KAT7: variants seen among roughly 807,000 people sequenced by gnomAD.
KAT7 encodes the protein lysine acetyltransferase 7, also known as histone acetyltransferase KAT7.
Under a neutral mutation model 82.1 loss-of-function variants are expected in KAT7, and 10 were observed. That is an observed-to-expected ratio of 0.12 (90% CI 0.08 to 0.21). KAT7 has a LOEUF of 0.21. Ranked by LOEUF, KAT7 falls within the 10% of genes least tolerant of loss-of-function variation. The pLI is 1.00. For synonymous variants in KAT7, 250 were observed against 262.5 expected (o/e 0.95, Z 0.46); for missense variants, 378 against 760.9 (o/e 0.50, Z 5.92).
chr17:49,789,228 C>T lies in KAT7; in HGVS notation c.15+379C>T, dbSNP rs375519052. The T allele has an allele frequency of 1.0e-3, 187 of 183,194 alleles. 3 individuals are homozygous for T. In the South Asian group the frequency reaches 0.025, roughly 25 times the overall value. The allele number at this position is 183,194 out of a possible 1,614,324, so 11.3% of individuals were successfully genotyped here. A position where few individuals can be genotyped will look rare whatever the true frequency, so the allele number is the denominator to read the frequency against. ...CACTGGCTGGAGAGAACGATCCCTC[C>T]TCTCCTGATTGGTCGAGGTTGGCAG... On this transcript the variant is annotated intron_variant, in intron 1 of 14. Coordinates refer to ENST00000259021, the MANE Select transcript of KAT7 (RefSeq NM_007067.5).
At position 49,788,692 on chromosome 17, in the gene KAT7, C is replaced by T; in HGVS notation, c.-143C>T. ...CCCGCGGCGCCTGCGCAGAACGCTC[C>T]AGACGCTGAGAGGCAGGAGGCACTA... is the stretch of plus-strand genomic sequence containing the variant. On this transcript the variant is annotated 5_prime_UTR_variant, in exon 1 of 15. Coordinates refer to ENST00000259021, the MANE Select transcript of KAT7 (RefSeq NM_007067.5). 1 of 895,260 alleles carries T rather than the reference C, an allele frequency of 1.1e-6. No homozygotes were observed. The highest frequency in any genetic ancestry group is 3.2e-5 in the East Asian group (1 of 31,060). 55.5% of individuals were successfully genotyped at this position (895,260 alleles called of 1,614,324 possible).
intron 9 of KAT7, among the ~76,000 whole-genome samples, chr17:49,820,406 G>A (rs1304569172): frequency 2.6e-5 from 4 of 151,912 alleles, no homozygotes; most frequent in African/African-American, 9.7e-5. Flanking sequence ...AGCCTCCAGA[G>A]TAGCTGGGAT....
At chr17:49,818,144 A>G (rs2074256734) in intron 9 of KAT7, 133 bp downstream of exon 9, 1 of 678,314 alleles carries the variant, frequency 1.5e-6, no homozygotes, top group Non-Finnish European at 2.5e-6. Flanking sequence ...AGGCATAGGA[A>G]ATGACAGGCC....
intron 5 of KAT7, among the ~76,000 whole-genome samples, chr17:49,807,236 A>G (rs1318286048): frequency 6.6e-6 from 1 of 152,188 alleles, no homozygotes; most frequent in African/African-American, 2.4e-5. Flanking sequence ...TATTGTGAGG[A>G]AAAAAAGACG....
intron 5 of KAT7, among the ~76,000 whole-genome samples, chr17:49,807,216 T>TA (rs2074102378): frequency 6.6e-6 from 1 of 152,122 alleles, no homozygotes; most frequent in African/African-American, 2.4e-5. Flanking sequence ...TAATTTTGTG[T>TA]AGTGATAAAT....
chr17:49,799,660 C>T (rs2073998214), intron 4 of KAT7, among the ~76,000 whole-genome samples: 1 of 151,518 alleles, frequency 6.6e-6, no homozygotes, highest in South Asian at 2.1e-4. Flanking sequence ...CAGGCATGAG[C>T]CTTTTGTTTG....
At chr17:49,817,052 G>GT (rs945680695) in intron 8 of KAT7, among the ~76,000 whole-genome samples, 42 of 150,744 alleles carry the variant, frequency 2.8e-4, no homozygotes, top group Admixed American at 2.5e-3. Flanking sequence ...TAAAGGGCCT[G>GT]TTTTTTTTTC....
rs2074162170 is a variant in KAT7, at chr17:49,811,305, C to T, written c.754-171C>T. Among the ~76,000 whole-genome samples the T allele has an allele frequency of 4.6e-5, 7 of 151,994 alleles. No homozygotes were observed. The South Asian group carries it at 1.5e-3, about 32-fold the overall frequency. On this transcript the variant is annotated intron_variant, in intron 6 of 14. Transcript: ENST00000259021. ...TATTTTTAATAGAGATGAGGATTCA[C>T]CATGTTGTCCAGGCTGGTCTTGAAC...
rs941685690 is a variant in KAT7 at position 49,803,340 on chromosome 17, T to C, written c.581-2023T>C. Among the ~76,000 whole-genome samples the C allele has an allele frequency of 2.0e-5, 3 of 147,900 alleles. 1 individual carries two copies. Among genetic ancestry groups the C allele is most frequent in the African/African-American group, 7.5e-5 (3 of 39,982 alleles). On this transcript the variant is annotated intron_variant, in intron 4 of 14. Transcript: ENST00000259021. ...TTGGCCAGGCTGACCTCAGGTGATC[T>C]ACCTGCCTCGGCCTCCCAAAGTGCT...
chr17:49,812,730 C>A (rs2074183426), intron 7 of KAT7, among the ~76,000 whole-genome samples: 1 of 151,756 alleles, frequency 6.6e-6, no homozygotes, highest in African/African-American at 2.4e-5. Context: ...TGCTCTGTCA[C>A]CAAGGCTGAA....
chr17:49,812,209 G>T (rs1471260201), intron 7 of KAT7, among the ~76,000 whole-genome samples: 1 of 146,478 alleles, frequency 6.8e-6, no homozygotes, highest in Non-Finnish European at 1.5e-5. Context: ...GTAGCACTTT[G>T]AATTCTGTGT....
intron 12 of KAT7, 177 bp downstream of exon 12, chr17:49,823,472 G>C (rs544758559): frequency 5.3e-6 from 3 of 561,990 alleles, no homozygotes; most frequent in Non-Finnish European, 9.6e-6. Context: ...AATACACATT[G>C]AACATTGAAG....
intron 1 of KAT7, 46 bp downstream of exon 1, chr17:49,788,895 A>G: frequency 3.9e-6 from 6 of 1,526,750 alleles, no homozygotes; most frequent in Non-Finnish European, 3.5e-6. Flanking sequence ...AGGACAGTCG[A>G]TTGAGCACCG....
At chr17:49,789,172 G>C in intron 1 of KAT7, 1 of 246,096 alleles carries the variant, frequency 4.1e-6, no homozygotes, top group Non-Finnish European at 7.8e-6. Context: ...GCGTGCGGGG[G>C]CGGTGTCTGG....
intron 11 of KAT7, among the ~76,000 whole-genome samples, chr17:49,822,869 T>G (rs2074323236): frequency 6.6e-6 from 1 of 152,164 alleles, no homozygotes; most frequent in Non-Finnish European, 1.5e-5. Flanking sequence ...TCTCTTCCAG[T>G]AGGCAGCTCC....
intron 10 of KAT7, 108 bp from the exon 11 acceptor site, chr17:49,821,542 A>G: frequency 2.6e-6 from 4 of 1,523,240 alleles, no homozygotes; most frequent in Non-Finnish European, 3.6e-6. Flanking sequence ...TCTCTTGCCA[A>G]AATACACAAT....
intron 1 of KAT7, 131 bp from the exon 2 acceptor site, chr17:49,791,755 A>G: frequency 1.2e-6 from 1 of 840,720 alleles, no homozygotes; most frequent in Non-Finnish European, 1.9e-6. Flanking sequence ...GAGGATGAGA[A>G]ATGCTTGTGG....
chr17:49,810,283 T>C (rs2074145794), intron 6 of KAT7, among the ~76,000 whole-genome samples: 1 of 152,148 alleles, frequency 6.6e-6, no homozygotes, highest in African/African-American at 2.4e-5. Context: ...TTAGACAGAG[T>C]TTCACTCTTT....
chr17:49,827,328 A>T, intron 14 of KAT7, 73 bp from the exon 15 acceptor site: 1 of 855,646 alleles, frequency 1.2e-6, no homozygotes, highest in Non-Finnish European at 2.0e-6. Context: ...CTTGGCGGTT[A>T]GTTATTTTGG....
Sources: gnomAD v4.1 joint callset for allele counts (sites outside exome capture counted in the v4.1 genomes callset) on GRCh38, gnomAD v4.1.1 for gene constraint, MANE v1.5 for transcripts, NCBI Gene and HGNC (gene_info 2026-07-23, HGNC 2026-07-21) for gene names.